The following ASXL3 variants were observed in gnomAD, a reference collection of about 807,000 sequenced individuals.
ASXL3 encodes putative Polycomb group protein ASXL3.
A neutral mutation model predicts 170.6 loss-of-function variants in ASXL3; 34 were observed. That is an observed-to-expected ratio of 0.20 (90% CI 0.15 to 0.27). The LOEUF is 0.27. Ranked by LOEUF, ASXL3 falls within the 10% of genes least tolerant of loss-of-function variation. ASXL3 has a pLI of 1.00. For missense variants in ASXL3, 2,592 were observed against 2,695.3 expected (o/e 0.96, Z 0.85); for synonymous variants, 1,002 against 989.1 (o/e 1.01, Z -0.24).
At position 33,750,642 on chromosome 18, in the gene ASXL3, C is replaced by T. The variant is rs940952570; in HGVS notation, c.*4047C>T. On this transcript the variant is annotated 3_prime_UTR_variant, in exon 12 of 12. Coordinates refer to ENST00000269197, the MANE Select transcript of ASXL3 (RefSeq NM_030632.3). ...AGCCATTTAATGCCTTTTTTAAAGG[C>T]GGTATTACTCCTACAGTGTAACAGC... 2 of 151,230 alleles carry T rather than the reference C, an allele frequency of 1.3e-5. No homozygotes were observed. Among genetic ancestry groups the T allele is most frequent in the South Asian group, 2.1e-4 (1 of 4,786 alleles). 9.4% of individuals were successfully genotyped at this position (151,230 alleles called of 1,614,324 possible).
chr18:33,732,016 G>T lies in ASXL3; in HGVS notation c.928G>T (p.Glu310Ter). The T allele has an allele frequency of 6.2e-7, 1 of 1,613,016 alleles. No individual in the cohort carries two copies. ...LRLSTSALNN[E>*]FFAYAAQGWK... ...CCTCAGTACTTCAGCTCTAAATAAT[G>T]AATTCTTTGCATATGCAGCACAAGG... The change falls in exon 9 of 12, where the codon GAA becomes TAA. Residue 310 changes from glutamate to a stop codon, truncating the protein, a stop_gained. Transcript: ENST00000269197. LOFTEE classifies it high-confidence loss of function.
intron 9 of ASXL3, 74 bp downstream of exon 9, chr18:33,732,138 A>C: frequency 1.6e-6 from 2 of 1,231,566 alleles, no homozygotes; most frequent in Non-Finnish European, 2.3e-6. Flanking sequence ...CCTTTCTCTG[A>C]TTTTTCAGTC....
intron 8 of ASXL3, 163 bp downstream of exon 8, chr18:33,683,731 C>T (rs942901117): frequency 4.2e-6 from 3 of 719,190 alleles, no homozygotes; most frequent in South Asian, 6.1e-5. Flanking sequence ...TAAAACAGAA[C>T]CATTTTTATT....
At position 33,578,354 on chromosome 18, in the gene ASXL3, C is replaced by T. The variant is rs1471153436; in HGVS notation, c.-278C>T. 7.8e-6 allele frequency: 1 copy of T among 128,296 alleles called. No homozygotes were observed. Among genetic ancestry groups the T allele is most frequent in the African/African-American group, 2.9e-5 (1 of 34,938 alleles). 7.9% of individuals were successfully genotyped at this position (128,296 alleles called of 1,614,324 possible). On this transcript the variant is annotated 5_prime_UTR_variant, in exon 1 of 12. Coordinates refer to ENST00000269197, the MANE Select transcript of ASXL3 (RefSeq NM_030632.3). ...GCCCCCGCCCCTGGCCCGGGCCCCG[C>T]TGCTGCCGCCGCCCCCGCCCCCGGC...
chr18:33,589,798 A>T (rs745869307), intron 1 of ASXL3, among the ~76,000 whole-genome samples: 4 of 152,182 alleles, frequency 2.6e-5, no homozygotes, highest in Admixed American at 6.5e-5. Flanking sequence ...TAATTAATAA[A>T]AATAGCAATA....
chr18:33,727,928 T>G (rs2067377070), intron 8 of ASXL3, among the ~76,000 whole-genome samples: 1 of 152,164 alleles, frequency 6.6e-6, no homozygotes, highest in African/African-American at 2.4e-5. Flanking sequence ...AAAATAAAAA[T>G]ATTTTCCTCC....
At chr18:33,713,233 T>TTTTTTTTTTGTTTTG (rs1453565906) in intron 8 of ASXL3, among the ~76,000 whole-genome samples, 2 of 74,870 alleles carry the variant, frequency 2.7e-5, no homozygotes, top group African/African-American at 1.5e-4. Flanking sequence ...AAGAAGGTTT[T>TTTTTTTTTTGTTTTG]TTTTGTTTTG....
intron 1 of ASXL3, among the ~76,000 whole-genome samples, chr18:33,580,828 T>A (rs1431121589): frequency 6.6e-6 from 1 of 152,186 alleles, no homozygotes; most frequent in African/African-American, 2.4e-5. Flanking sequence ...GTTATGGTAA[T>A]TTTTCAATTT....
chr18:33,724,259 A>C (rs992263104), intron 8 of ASXL3, among the ~76,000 whole-genome samples: 1 of 152,048 alleles, frequency 6.6e-6, no homozygotes, highest in Non-Finnish European at 1.5e-5. Flanking sequence ...GACTTTTTTG[A>C]CAGTGGTTGC....
rs2067774390 is a variant in ASXL3 at position 33,745,869 on chromosome 18, C to G, written c.6021C>G (p.His2007Gln). The change falls in exon 12 of 12, where the codon CAC (histidine) becomes CAG (glutamine). Residue 2007 changes from histidine (H) to glutamine (Q), a missense_variant. Physicochemically the swap from His to Gln is conservative, Grantham distance 24. Transcript: ENST00000269197. ...GTGATGAGGTGGGAGGCACTGCACA[C>G]ACAATGCCAAACAAAGCACTAGTAC... ...KEGDEVGGTA[H>Q]TMPNKALVHP... The G allele has an allele frequency of 1.9e-6, 3 of 1,613,652 alleles. No homozygotes were observed. In the African/African-American group the frequency reaches 4.0e-5, roughly 22 times the overall value.
At chr18:33,640,744 A>G (rs964453231) in intron 2 of ASXL3, among the ~76,000 whole-genome samples, 9 of 152,028 alleles carry the variant, frequency 5.9e-5, no homozygotes, top group Non-Finnish European at 1.3e-4. Flanking sequence ...TGAAAGAAGC[A>G]TTATTAATTT....
intron 5 of ASXL3, among the ~76,000 whole-genome samples, chr18:33,668,287 G>A (rs1377142070): frequency 1.3e-5 from 2 of 152,010 alleles, no homozygotes; most frequent in Non-Finnish European, 2.9e-5. Flanking sequence ...TATTAGCCAG[G>A]GGTGGTGGTG....
At chr18:33,655,183 T>G (rs997268904) in intron 4 of ASXL3, among the ~76,000 whole-genome samples, 6 of 152,066 alleles carry the variant, frequency 3.9e-5, no homozygotes, top group Non-Finnish European at 8.8e-5. Flanking sequence ...CAGCAGCATT[T>G]TGTCACTCAT....
At chr18:33,597,936 A>G (rs1430427579) in intron 1 of ASXL3, among the ~76,000 whole-genome samples, 1 of 152,206 alleles carries the variant, frequency 6.6e-6, no homozygotes, top group Non-Finnish European at 1.5e-5. Flanking sequence ...AGCATTATGT[A>G]TTAGCTGCTC....
intron 1 of ASXL3, among the ~76,000 whole-genome samples, chr18:33,596,838 CAG>C (rs1425907279): frequency 1.3e-5 from 2 of 152,142 alleles, no homozygotes; most frequent in Non-Finnish European, 2.9e-5. Flanking sequence ...CATTTTGAGA[CAG>C]GGTCTGGCTC....
rs2067113747 is a variant in ASXL3 at position 33,713,433 on chromosome 18, A to T, written c.880-18535A>T. On this transcript the variant is annotated intron_variant, in intron 8 of 11. Coordinates refer to ENST00000269197, the MANE Select transcript of ASXL3 (RefSeq NM_030632.3). ...CCACCACGCCTGGCTAATTTTGTGT[A>T]TTCTTCATGGAGATGGACCATGTTG... Among the ~76,000 whole-genome samples, 3 of 150,810 alleles carry T rather than the reference A, an allele frequency of 2.0e-5. No homozygotes were observed. In the Admixed American group the frequency reaches 2.0e-4, roughly 10 times the overall value.
rs2145443880 is a variant in ASXL3, at chr18:33,749,315, T to G, written c.*2720T>G. ...TCTACATGTGTCTGCTATGTGCAAA[T>G]GTAGTATATTATTTACTACATGGTT... is the stretch of plus-strand genomic sequence containing the variant. On this transcript the variant is annotated 3_prime_UTR_variant, in exon 12 of 12. Coordinates refer to ENST00000269197, the MANE Select transcript of ASXL3 (RefSeq NM_030632.3). 1 of 152,258 alleles carries G rather than the reference T, an allele frequency of 6.6e-6. No individual in the cohort carries two copies. Among genetic ancestry groups the G allele is most frequent in the Admixed American group, 6.5e-5 (1 of 15,298 alleles). 9.4% of individuals were successfully genotyped at this position (152,258 alleles called of 1,614,324 possible).
chr18:33,643,276 G>T (rs1406405681), intron 2 of ASXL3, among the ~76,000 whole-genome samples: 3 of 151,834 alleles, frequency 2.0e-5, no homozygotes, highest in African/African-American at 7.2e-5. Context: ...TTCATGGAAA[G>T]ACATTTCTGG....
At chr18:33,713,222 CAAG>C (rs2067099009) in intron 8 of ASXL3, among the ~76,000 whole-genome samples, 1 of 123,436 alleles carries the variant, frequency 8.1e-6, no homozygotes, top group African/African-American at 3.2e-5. Flanking sequence ...CAATCTACCA[CAAG>C]AAGGTTTTTT....
Sources: allele counts gnomAD v4.1 joint callset (sites outside exome capture counted in the v4.1 genomes callset), GRCh38; gene constraint gnomAD v4.1.1; transcripts MANE v1.5; gene names NCBI Gene and HGNC (gene_info 2026-07-23, HGNC 2026-07-21).